The following PRDM5 variants were observed in gnomAD, a reference collection of about 807,000 sequenced individuals.
PRDM5 encodes the protein PR/SET domain 5.
Under a neutral mutation model 81.2 loss-of-function variants are expected in PRDM5, and 56 were observed. The observed-to-expected ratio is 0.69, with a 90% CI of 0.56 to 0.86. The LOEUF (loss-of-function observed/expected upper bound fraction) is 0.86, where lower values mean the gene tolerates loss of function less well. Among genes scored for constraint, PRDM5 ranks in the 40% least tolerant of loss-of-function variants. The probability of loss-of-function intolerance (pLI) is 0.00; values close to 1 mark genes in which losing one functional copy is unlikely to be tolerated. For synonymous variants in PRDM5, 267 were observed against 256.4 expected (o/e 1.04, Z -0.39); for missense variants, 697 against 770.1 (o/e 0.91, Z 1.12).
At chr4:120,918,174 GA>G (rs1265436961) in intron 1 of PRDM5, among the ~76,000 whole-genome samples, 5 of 152,210 alleles carry the variant, frequency 3.3e-5, no homozygotes, top group African/African-American at 4.8e-5. Flanking sequence ...GAAAATGTTA[GA>G]GTAGTTACAT....
intron 14 of PRDM5, among the ~76,000 whole-genome samples, chr4:120,730,715 A>C (rs1467519177): frequency 6.6e-6 from 1 of 152,232 alleles, no homozygotes; most frequent in Non-Finnish European, 1.5e-5. Flanking sequence ...CTTTCTTTTA[A>C]ATCCTGAAGT....
intron 8 of PRDM5, among the ~76,000 whole-genome samples, chr4:120,806,822 T>G (rs960542955): frequency 6.6e-6 from 1 of 152,064 alleles, no homozygotes; most frequent in Non-Finnish European, 1.5e-5. Context: ...CCAAAAGCAA[T>G]GGCAACAAAA....
intron 3 of PRDM5, among the ~76,000 whole-genome samples, chr4:120,846,734 T>C (rs1039645392): frequency 6.6e-6 from 1 of 152,122 alleles, no homozygotes; most frequent in African/African-American, 2.4e-5. Flanking sequence ...AAAAATCCAA[T>C]AAAGTAAGCA....
intron 13 of PRDM5, among the ~76,000 whole-genome samples, chr4:120,766,779 G>A (rs1288029873): frequency 6.6e-6 from 1 of 152,060 alleles, no homozygotes; most frequent in Non-Finnish European, 1.5e-5. Context: ...CAAATAAGAG[G>A]CTTGAACTAG....
Position 120,914,100 on chromosome 4 carries a change from C to T in PRDM5, c.94-6543G>A, listed in dbSNP as rs759904737. On this transcript the variant is annotated intron_variant, in intron 1 of 15. Transcript: ENST00000264808. Reference sequence around the variant, plus strand: ...AGATAAGGCAGAAGAATTAGACCCACGCTCTGTGTTCTGCAGCAGACAGAA... The same window carrying T: ...AGATAAGGCAGAAGAATTAGACCCATGCTCTGTGTTCTGCAGCAGACAGAA... Among the ~76,000 whole-genome samples, 7 of 152,090 alleles carry T rather than the reference C, an allele frequency of 4.6e-5. No individual in the cohort carries two copies. In the South Asian group the frequency reaches 6.2e-4, roughly 14 times the overall value.
chr4:120,905,969 C>T (rs976941598), intron 2 of PRDM5, among the ~76,000 whole-genome samples: 3 of 151,870 alleles, frequency 2.0e-5, no homozygotes, highest in South Asian at 4.2e-4. Context: ...GTATTTAGAT[C>T]TTTTTCAATT....
rs1246970300 is a variant in PRDM5 at position 120,777,704 on chromosome 4, C to A, written c.1444-423G>T. ...AGGACAGAATTAATCTTAATAAAGT[C>A]ATCTATTACTTGTGTTATGATGTTT... is the stretch of plus-strand genomic sequence containing the variant. On this transcript the variant is annotated intron_variant, in intron 12 of 15. Coordinates refer to ENST00000264808, the MANE Select transcript of PRDM5 (RefSeq NM_018699.4). 3.3e-5 allele frequency among the ~76,000 whole-genome samples: 5 copies of A among 152,044 alleles called. No individual in the cohort carries two copies. The East Asian group carries it at 7.7e-4, about 23-fold the overall frequency.
chr4:120,697,485 G>T (rs1288449803), intron 15 of PRDM5, among the ~76,000 whole-genome samples: 1 of 151,476 alleles, frequency 6.6e-6, no homozygotes, highest in East Asian at 1.9e-4. Context: ...ATCAGATTTA[G>T]AAATATTTTT....
chr4:120,710,819 G>A (rs1736858977), intron 14 of PRDM5, among the ~76,000 whole-genome samples: 1 of 152,180 alleles, frequency 6.6e-6, no homozygotes, highest in Non-Finnish European at 1.5e-5. Context: ...CAGCCATGCA[G>A]AACTGTAGTG....
At chr4:120,739,152 T>C (rs761221636) in intron 14 of PRDM5, among the ~76,000 whole-genome samples, 31 of 152,204 alleles carry the variant, frequency 2.0e-4, no homozygotes, top group Non-Finnish European at 1.5e-5. Flanking sequence ...AACATGGTGA[T>C]TGGTCCCAAG....
At chr4:120,820,620 G>T (rs1465543903) in intron 4 of PRDM5, among the ~76,000 whole-genome samples, 2 of 152,144 alleles carry the variant, frequency 1.3e-5, no homozygotes. Context: ...ACCACACTAG[G>T]GCAACCTAGC....
At chr4:120,908,903 T>A (rs1330537282) in intron 1 of PRDM5, among the ~76,000 whole-genome samples, 1 of 152,134 alleles carries the variant, frequency 6.6e-6, no homozygotes, top group East Asian at 1.9e-4. Flanking sequence ...GCATTCAACA[T>A]CACACTTAAA....
At chr4:120,697,034 C>T (rs79283335) in intron 15 of PRDM5, among the ~76,000 whole-genome samples, 196 of 152,206 alleles carry the variant, frequency 1.3e-3, no homozygotes, top group African/African-American at 4.6e-3. Context: ...AAACATGCAA[C>T]AGCATAGCAT....
chr4:120,906,257 C>G (rs1243374428), intron 2 of PRDM5, among the ~76,000 whole-genome samples: 1 of 152,202 alleles, frequency 6.6e-6, no homozygotes, highest in Non-Finnish European at 1.5e-5. Context: ...GCACAAGCCA[C>G]TGTGCCTGGC....
chr4:120,713,358 T>C (rs1369176189), intron 14 of PRDM5, among the ~76,000 whole-genome samples: 2 of 152,180 alleles, frequency 1.3e-5, no homozygotes, highest in Non-Finnish European at 2.9e-5. Flanking sequence ...AGCATATGAC[T>C]AGATTTTTTT....
intron 10 of PRDM5, among the ~76,000 whole-genome samples, chr4:120,796,063 AG>A (rs1320022389): frequency 6.6e-6 from 1 of 152,182 alleles, no homozygotes; most frequent in Non-Finnish European, 1.5e-5. Flanking sequence ...AAAAAACAAA[AG>A]AATAATTAAT....
chr4:120,868,432 C>T (rs1761442226), intron 2 of PRDM5, among the ~76,000 whole-genome samples: 1 of 151,512 alleles, frequency 6.6e-6, no homozygotes, highest in Non-Finnish European at 1.5e-5. Flanking sequence ...TCAGGATTTG[C>T]TTCTAAATGA....
intron 8 of PRDM5, among the ~76,000 whole-genome samples, chr4:120,809,160 G>A (rs369921528): frequency 1.3e-5 from 2 of 151,778 alleles, no homozygotes; most frequent in Admixed American, 1.3e-4. Context: ...GCCAAACACT[G>A]CATGTTCTCA....
intron 13 of PRDM5, among the ~76,000 whole-genome samples, chr4:120,755,706 G>C (rs1367822422): frequency 6.6e-6 from 1 of 152,126 alleles, no homozygotes; most frequent in Non-Finnish European, 1.5e-5. Flanking sequence ...CCTCTCCCCT[G>C]TCCCTGACAC....
Sources: gnomAD v4.1 joint callset for allele counts (sites outside exome capture counted in the v4.1 genomes callset) on GRCh38, gnomAD v4.1.1 for gene constraint, MANE v1.5 for transcripts, NCBI Gene and HGNC (gene_info 2026-07-23, HGNC 2026-07-21) for gene names.